XPC: variants seen among roughly 807,000 people sequenced by gnomAD.
The protein encoded by XPC is DNA repair protein complementing XP-C cells.
Under a neutral mutation model 95.8 loss-of-function variants are expected in XPC, and 76 were observed. That is an observed-to-expected ratio of 0.79 (90% confidence interval 0.66 to 0.96). The LOEUF is 0.96. Among genes scored for constraint, XPC ranks in the 40% least tolerant of loss-of-function variants. The probability of loss-of-function intolerance (pLI) is 0.00; values close to 1 mark genes in which losing one functional copy is unlikely to be tolerated. For synonymous variants in XPC, 442 were observed against 442.1 expected (o/e 1.00, Z 0.00); for missense variants, 1,146 against 1,179.8 (o/e 0.97, Z 0.42).
At chr3:14,169,691 C>T (rs1053004615) in intron 3 of XPC, among the ~76,000 whole-genome samples, 2 of 152,134 alleles carry the variant, frequency 1.3e-5, no homozygotes, top group African/African-American at 4.8e-5. Flanking sequence ...GAAATGCAGG[C>T]TGAAGTATTC....
intron 3 of XPC, among the ~76,000 whole-genome samples, chr3:14,169,608 T>C (rs764811996): frequency 2.0e-5 from 3 of 152,206 alleles, no homozygotes; most frequent in Admixed American, 6.5e-5. Context: ...TTCATAACAA[T>C]TGGGGACTTA....
Position 14,159,749 on chromosome 3 carries a change from T to C in XPC, c.982A>G (p.Thr328Ala), listed in dbSNP as rs1696090245. 1 of 1,562,404 alleles carries C rather than the reference T, an allele frequency of 6.4e-7. No homozygotes were observed. Among genetic ancestry groups the C allele is most frequent in the South Asian group, 1.2e-5 (1 of 84,604 alleles). The change falls in exon 8 of 16, where the codon ACA (threonine) becomes GCA (alanine). Residue 328 changes from threonine to alanine, a missense_variant. Thr to Ala is a moderately conservative substitution (Grantham distance 58). Coordinates refer to ENST00000285021, the MANE Select transcript of XPC (RefSeq NM_004628.5). Reference sequence around the variant, plus strand: ...AGCCCTGCGCACCTCACCTTTGCTGTTGCTGACTTCAGAGGAATTGGCTGT... The same window carrying C: ...AGCCCTGCGCACCTCACCTTTGCTGCTGCTGACTTCAGAGGAATTGGCTGT... ...SLQPIPLKSA[T>A]AKGKKPSKER... is the part of the protein sequence containing the mutation.
intron 5 of XPC, among the ~76,000 whole-genome samples, chr3:14,166,203 T>A (rs1574970479): frequency 6.6e-6 from 1 of 151,822 alleles, no homozygotes; most frequent in Non-Finnish European, 1.5e-5. Flanking sequence ...ATTGGCTTCC[T>A]CCCCCCCGAC....
intron 5 of XPC, among the ~76,000 whole-genome samples, chr3:14,166,738 G>C (rs1696395130): frequency 6.6e-6 from 1 of 152,112 alleles, no homozygotes; most frequent in African/African-American, 2.4e-5. Context: ...GTTCCATCTA[G>C]AGATCAGATA....
In XPC at chr3:14,148,712, C is replaced by T. The variant is rs763841198; in HGVS notation, c.2270G>A (p.Gly757Glu). ...VDGKVPRNEF[G>E]NVYLFLPSMM... Reference sequence around the variant, plus strand: ...GCTGGGCAGGAAGAGGTACACATTCCCAAACTCGTTCCGGGGCACCTGTGT... The same window carrying T: ...GCTGGGCAGGAAGAGGTACACATTCTCAAACTCGTTCCGGGGCACCTGTGT... Residue 757 changes from glycine (G) to glutamate (E), a missense_variant, in exon 13 of 16, where the codon GGG becomes GAG. Transcript: ENST00000285021. The T allele has an allele frequency of 6.2e-7, 1 of 1,614,020 alleles. No homozygotes were observed. Among genetic ancestry groups the T allele is most frequent in the Non-Finnish European group, 8.5e-7 (1 of 1,179,886 alleles).
At chr3:14,178,260 G>T in intron 1 of XPC, 1 of 578,958 alleles carries the variant, frequency 1.7e-6, no homozygotes, top group Non-Finnish European at 2.9e-6. Flanking sequence ...ATCGGGCGAA[G>T]CTCGCGGGAA....
At chr3:14,157,239 AAG>A (rs1695952606) in intron 9 of XPC, among the ~76,000 whole-genome samples, 1 of 152,156 alleles carries the variant, frequency 6.6e-6, no homozygotes, top group Non-Finnish European at 1.5e-5. Context: ...TAGCATTACT[AAG>A]TAAAATGCAC....
At chr3:14,150,995 G>A (rs1441863127) in intron 11 of XPC, among the ~76,000 whole-genome samples, 1 of 152,202 alleles carries the variant, frequency 6.6e-6, no homozygotes, top group Non-Finnish European at 1.5e-5. Flanking sequence ...AAAGAGCCTA[G>A]TGACTGACAG....
intron 10 of XPC, among the ~76,000 whole-genome samples, chr3:14,154,612 AAGG>A (rs918409232): frequency 3.9e-5 from 6 of 152,124 alleles, no homozygotes; most frequent in Non-Finnish European, 7.4e-5. Flanking sequence ...CAGAGACAGA[AAGG>A]AGAATGGTGG....
At chr3:14,175,660 G>A (rs1440660916) in intron 1 of XPC, among the ~76,000 whole-genome samples, 1 of 152,192 alleles carries the variant, frequency 6.6e-6, no homozygotes, top group African/African-American at 2.4e-5. Context: ...AGGTGCTTTA[G>A]TAACACAAAG....
chr3:14,158,773 T>C lies in XPC; in HGVS notation c.1110A>G (p.Glu370=). Residue 370 remains glutamate (E), a synonymous_variant, in exon 9 of 16, where the codon GAA becomes GAG. Coordinates refer to ENST00000285021, the MANE Select transcript of XPC (RefSeq NM_004628.5). The surrounding 1 kb of genome is among the most constrained non-coding windows in gnomAD (Gnocchi z 5.2). ...GCCTGCAGGTGCCCTTAGCAAAGGT[T>C]TCCTCTTGTTTGGTTCCTTTGCTGG... ...PKTSKGTKQE[E]TFAKGTCRPS... is the part of the protein sequence containing the mutation. 6.2e-7 allele frequency: 1 copy of C among 1,613,972 alleles called. No individual in the cohort carries two copies.
intron 7 of XPC, chr3:14,164,218 A>T (rs192953912): frequency 6.6e-6 from 1 of 152,444 alleles, no homozygotes; most frequent in Admixed American, 6.5e-5. Context: ...TGTATGGATT[A>T]ATAGGAATCT....
intron 11 of XPC, among the ~76,000 whole-genome samples, chr3:14,150,850 C>G: frequency 6.6e-6 from 1 of 152,176 alleles, no homozygotes. Context: ...TGGGAGAACA[C>G]TGGGACCTGG....
In XPC at chr3:14,167,172, G is replaced by A. The variant is rs895614166; in HGVS notation, c.618C>T (p.His206=). 1.2e-6 allele frequency: 2 copies of A among 1,601,294 alleles called. No homozygotes were observed. Among genetic ancestry groups the A allele is most frequent in the African/African-American group, 2.7e-5 (2 of 74,312 alleles). ...RFNKGVHEDT[H]KVHLLCLLAN... ...CCCCATCATTCCTTGCCCTTACCTTGTGTGTGTCCTCATGGACCCCTTTAT... is the reference window on the plus strand; with the variant it reads ...CCCCATCATTCCTTGCCCTTACCTTATGTGTGTCCTCATGGACCCCTTTAT... Residue 206 remains histidine, a synonymous_variant, in exon 5 of 16, where the codon CAC becomes CAT. Transcript: ENST00000285021.
intron 10 of XPC, among the ~76,000 whole-genome samples, chr3:14,154,106 T>C (rs990072343): frequency 6.6e-6 from 1 of 152,146 alleles, no homozygotes; most frequent in Non-Finnish European, 1.5e-5. Flanking sequence ...TTCACACCCG[T>C]TAAAATGGCT....
In XPC at chr3:14,164,823, T is replaced by G; in HGVS notation, c.890A>C (p.Glu297Ala). 1.9e-6 allele frequency: 3 copies of G among 1,613,104 alleles called. No individual in the cohort carries two copies. Among genetic ancestry groups the G allele is most frequent in the Non-Finnish European group, 2.5e-6 (3 of 1,179,580 alleles). Residue 297 changes from glutamate (E) to alanine (A), a missense_variant, in exon 7 of 16, where the codon GAA becomes GCA. Transcript: ENST00000285021. ...FAIYSARDDE[E>A]LVHIFLLILR... is the part of the protein sequence containing the mutation. Reference sequence around the variant, plus strand: ...GGGAGGATCACTTACATGGACCAATTCCTCATCATCTCGAGCAGAGTAAAT... The same window carrying G: ...GGGAGGATCACTTACATGGACCAATGCCTCATCATCTCGAGCAGAGTAAAT...
At chr3:14,148,521 C>T in intron 13 of XPC, 41 bp downstream of exon 13, 1 of 1,607,244 alleles carries the variant, frequency 6.2e-7, no homozygotes, top group Non-Finnish European at 8.5e-7. Context: ...CCACCCCTCC[C>T]CATCCCTGTG....
Position 14,145,328 on chromosome 3 carries a change from T to A in XPC, c.*613A>T. 1 of 698,958 alleles carries A rather than the reference T, an allele frequency of 1.4e-6. No homozygotes were observed. Among genetic ancestry groups the A allele is most frequent in the Non-Finnish European group, 2.6e-6 (1 of 384,364 alleles). The allele number at this position is 698,958 out of a possible 1,614,324, so 43.3% of individuals were successfully genotyped here. ...TTTTCTTTCCTGATTTTAGCTTTTT[T>A]TAGGCTTCTGTCACCACAAAATGTT... is the stretch of plus-strand genomic sequence containing the variant. On this transcript the variant is annotated 3_prime_UTR_variant, in exon 16 of 16. Transcript: ENST00000285021.
In XPC at chr3:14,158,798, G is replaced by C. The variant is rs1372868198; in HGVS notation, c.1085C>G (p.Thr362Ser). 3.1e-6 allele frequency: 5 copies of C among 1,613,784 alleles called. No individual in the cohort carries two copies. Among genetic ancestry groups the C allele is most frequent in the Non-Finnish European group, 4.2e-6 (5 of 1,179,884 alleles). Reference sequence around the variant, plus strand: ...TTCCTCTTGTTTGGTTCCTTTGCTGGTCTTTGGTTTGGTGTGGTTTTCTAG... The same window carrying C: ...TTCCTCTTGTTTGGTTCCTTTGCTGCTCTTTGGTTTGGTGTGGTTTTCTAG... The part of the protein sequence containing the change: ...QVLENHTKPK[T>S]SKGTKQEETF... The change falls in exon 9 of 16, where the codon ACC (threonine) becomes AGC (serine). Residue 362 changes from threonine (T) to serine (S), a missense_variant. Physicochemically the swap from Thr to Ser is moderately conservative, Grantham distance 58. Transcript: ENST00000285021. This position sits in a 1 kb window ranked among gnomAD's most constrained non-coding sequence, Gnocchi z 5.2.
Sources: allele counts gnomAD v4.1 joint callset (sites outside exome capture counted in the v4.1 genomes callset), GRCh38; gene constraint gnomAD v4.1.1; non-coding constraint Gnocchi (gnomAD v3.1); transcripts MANE v1.5; gene names NCBI Gene and HGNC (gene_info 2026-07-23, HGNC 2026-07-21).